The following DLGAP2 variants were observed in gnomAD, a reference collection of about 807,000 sequenced individuals.
DLGAP2 encodes the protein disks large-associated protein 2.
A neutral mutation model predicts 100.3 loss-of-function variants in DLGAP2; 26 were observed. That is an observed-to-expected ratio of 0.26 (90% CI 0.19 to 0.36). DLGAP2 has a LOEUF of 0.36. Ranked by LOEUF, DLGAP2 falls within the 10% of genes least tolerant of loss-of-function variation. DLGAP2 has a pLI of 1.00. For missense variants in DLGAP2, 1,858 were observed against 1,453.2 expected, an observed-to-expected ratio of 1.28 and a Z score of -4.53; for synonymous variants, 886 against 630.1, an observed-to-expected ratio of 1.41 and a Z score of -6.08.
chr8:1,548,546 G>A (rs1017994958), intron 4 of DLGAP2, 80 bp from the exon 5 acceptor site: 29 of 1,291,828 alleles, frequency 2.2e-5, no homozygotes, highest in Middle Eastern at 1.9e-4. Flanking sequence ...TGAAGTCCAC[G>A]GTGGGGGTCA....
intron 6 of DLGAP2, chr8:1,622,362 A>G (rs1471395142): frequency 6.6e-6 from 1 of 152,240 alleles, no homozygotes; most frequent in African/African-American, 2.4e-5. Flanking sequence ...CTGCTTTCCA[A>G]GGTAACAAGG....
At chr8:1,472,438 G>A (rs749660234) in intron 3 of DLGAP2, among the ~76,000 whole-genome samples, 1 of 152,140 alleles carries the variant, frequency 6.6e-6, no homozygotes, top group Non-Finnish European at 1.5e-5. Flanking sequence ...GAATGACATG[G>A]TCTGGTATAC....
intron 3 of DLGAP2, chr8:1,300,826 C>G (rs950666959): frequency 6.6e-6 from 1 of 152,270 alleles, no homozygotes. Flanking sequence ...TGTTGCAGTT[C>G]TGTTCATTTT....
chr8:1,202,807 T>G (rs1797907732), intron 2 of DLGAP2, among the ~76,000 whole-genome samples: 1 of 152,340 alleles, frequency 6.6e-6, no homozygotes, highest in African/African-American at 2.4e-5. Flanking sequence ...CCCAAGCCAC[T>G]GAACACGCCT....
chr8:795,072 T>A (rs1161071584), intron 1 of DLGAP2, among the ~76,000 whole-genome samples: 2 of 152,156 alleles, frequency 1.3e-5, no homozygotes, highest in Admixed American at 1.3e-4. Flanking sequence ...CACAGAACAC[T>A]GTTTAGATAC....
intron 2 of DLGAP2, among the ~76,000 whole-genome samples, chr8:1,171,407 C>T (rs998674872): frequency 4.6e-5 from 7 of 152,126 alleles, no homozygotes; most frequent in South Asian, 2.1e-4. Context: ...GTCCGCTTGG[C>T]GCAGAGCTGA....
At position 1,632,957 on chromosome 8, in the gene DLGAP2, G is replaced by A. The variant is rs201291636; in HGVS notation, c.1721G>A (p.Arg574Gln). 23 of 1,613,946 alleles carry A rather than the reference G, an allele frequency of 1.4e-5. No homozygotes were observed. The highest frequency in any genetic ancestry group is 1.7e-5 in the Non-Finnish European group (20 of 1,179,886). Residue 574 changes from arginine to glutamine, a missense_variant, in exon 8 of 15, where the codon CGA becomes CAA. Coordinates refer to ENST00000637795, the MANE Select transcript of DLGAP2 (RefSeq NM_001346810.2). ...CFRTRSHSYLRAIQAGYSQDD... is the reference protein window; with the variant it reads ...CFRTRSHSYLQAIQAGYSQDD... ...CGAACAAGGAGTCACAGCTACCTTC[G>A]AGCCATTCAAGCCGGCTACTCCCAA... is the stretch of plus-strand genomic sequence containing the variant.
At chr8:1,365,785 G>T (rs533858360) in intron 3 of DLGAP2, among the ~76,000 whole-genome samples, 12 of 152,340 alleles carry the variant, frequency 7.9e-5, no homozygotes, top group African/African-American at 2.6e-4. Flanking sequence ...GAGAAGGCAC[G>T]TGGGGGACCA....
chr8:1,501,323 A>G (rs148488865), intron 3 of DLGAP2, 43 bp from the exon 4 acceptor site: 1 of 1,532,424 alleles, frequency 6.5e-7, no homozygotes, highest in Non-Finnish European at 8.7e-7. Context: ...TGCAGTCTAC[A>G]CCAGAAACGC....
At chr8:1,207,148 G>T (rs1306905170) in intron 2 of DLGAP2, among the ~76,000 whole-genome samples, 1 of 152,172 alleles carries the variant, frequency 6.6e-6, no homozygotes, top group Non-Finnish European at 1.5e-5. Context: ...ATATGGATAA[G>T]TGACTGAGTG....
chr8:1,308,080 A>G (rs1174941779), intron 3 of DLGAP2, among the ~76,000 whole-genome samples: 2 of 152,220 alleles, frequency 1.3e-5, no homozygotes, highest in Non-Finnish European at 2.9e-5. Flanking sequence ...CACCAGGTCA[A>G]TGTGCGTGTT....
rs537740934 is a variant in DLGAP2 at position 1,057,885 on chromosome 8, G to A, written c.73+149919G>A. Reference sequence around the variant, plus strand: ...TAAAAAAAAAAGAGGTTGCATTTCTGGCTCTTATTTTCCAGTTCTTAAATC... The same window carrying A: ...TAAAAAAAAAAGAGGTTGCATTTCTAGCTCTTATTTTCCAGTTCTTAAATC... On this transcript the variant is annotated intron_variant, in intron 2 of 14. Coordinates refer to ENST00000637795, the MANE Select transcript of DLGAP2 (RefSeq NM_001346810.2). 2.0e-5 allele frequency among the ~76,000 whole-genome samples: 3 copies of A among 152,238 alleles called. No homozygotes were observed. The East Asian group carries it at 5.8e-4, about 29-fold the overall frequency.
chr8:888,053 T>G (rs780464902), intron 1 of DLGAP2, among the ~76,000 whole-genome samples: 2 of 152,210 alleles, frequency 1.3e-5, no homozygotes, highest in African/African-American at 4.8e-5. Flanking sequence ...GTCCCACATT[T>G]CTTGGAGGCT....
At chr8:1,325,120 C>T (rs557512044) in intron 3 of DLGAP2, among the ~76,000 whole-genome samples, 1 of 152,342 alleles carries the variant, frequency 6.6e-6, no homozygotes, top group East Asian at 1.9e-4. Context: ...GTCTTCCAGT[C>T]TTAGTTTAAA....
intron 6 of DLGAP2, among the ~76,000 whole-genome samples, chr8:1,609,072 C>A (rs1395069792): frequency 7.4e-6 from 1 of 135,242 alleles, no homozygotes; most frequent in African/African-American, 2.6e-5. Context: ...AAGAGCAACT[C>A]CAAGACACAT....
chr8:751,316 C>T lies in DLGAP2; in HGVS notation c.18+13491C>T, dbSNP rs11990239. ...TCCTGGATCTCCGGCCACCCTCTCA[C>T]GGAAAGGAGCATTTTCCTGGATCTC... On this transcript the variant is annotated intron_variant, in intron 1 of 14. Coordinates refer to ENST00000637795, the MANE Select transcript of DLGAP2 (RefSeq NM_001346810.2). Among the ~76,000 whole-genome samples the T allele has an allele frequency of 7.9e-3, 1,174 of 149,082 alleles. 21 individuals carry two copies. The highest frequency in any genetic ancestry group is 0.027 in the African/African-American group (1,099 of 40,980).
At chr8:1,550,590 C>A (rs553099112) in intron 5 of DLGAP2, among the ~76,000 whole-genome samples, 1 of 152,272 alleles carries the variant, frequency 6.6e-6, no homozygotes, top group South Asian at 2.1e-4. Context: ...CCTCTCTAAG[C>A]ACCCCCCACT....
chr8:1,585,092 G>T (rs1031447913), intron 6 of DLGAP2, among the ~76,000 whole-genome samples: 1 of 151,926 alleles, frequency 6.6e-6, no homozygotes, highest in African/African-American at 2.4e-5. Flanking sequence ...CTAGTTTTTG[G>T]CCTGCTACAA....
chr8:1,530,305 T>C (rs985396062), intron 4 of DLGAP2, among the ~76,000 whole-genome samples: 1 of 152,164 alleles, frequency 6.6e-6, no homozygotes, highest in African/African-American at 2.4e-5. Flanking sequence ...AGAAAAAGAA[T>C]TCAGCGATAT....
Sources: gnomAD v4.1 joint callset for allele counts (sites outside exome capture counted in the v4.1 genomes callset) on GRCh38, gnomAD v4.1.1 for gene constraint, MANE v1.5 for transcripts, NCBI Gene and HGNC (gene_info 2026-07-23, HGNC 2026-07-21) for gene names.